Variants in HELLS observed in about 807,000 individuals in gnomAD.
HELLS encodes lymphoid-specific helicase.
A neutral mutation model predicts 120.0 loss-of-function variants in HELLS; 32 were observed. The observed-to-expected ratio is 0.27, with a 90% CI of 0.20 to 0.36. The LOEUF (loss-of-function observed/expected upper bound fraction) is 0.36, where lower values mean the gene tolerates loss of function less well. Among genes scored for constraint, HELLS ranks in the 10% least tolerant of loss-of-function variants. The pLI is 1.00. For missense variants in HELLS, 650 were observed against 993.4 expected (o/e 0.65, Z 4.65); for synonymous variants, 341 against 323.4 (o/e 1.05, Z -0.58).
chr10:94,558,555 G>C (rs184832619), intron 4 of HELLS, among the ~76,000 whole-genome samples: 29 of 152,190 alleles, frequency 1.9e-4, no homozygotes, highest in Admixed American at 7.2e-4. Flanking sequence ...ATAATTTATT[G>C]AATACATACT....
intron 6 of HELLS, 120 bp downstream of exon 6, chr10:94,562,996 ATAT>A: frequency 1.5e-6 from 1 of 649,992 alleles, no homozygotes; most frequent in Non-Finnish European, 2.6e-6. Context: ...TTTGAATTTA[ATAT>A]TATATATCAT....
At chr10:94,574,269 C>A in intron 8 of HELLS, 82 bp downstream of exon 8, 2 of 882,956 alleles carry the variant, frequency 2.3e-6, no homozygotes, top group South Asian at 3.1e-5. Context: ...CAACTTGAGT[C>A]ATTTCTATCA....
At chr10:94,582,870 A>G in intron 11 of HELLS, 93 bp from the exon 12 acceptor site, 1 of 657,262 alleles carries the variant, frequency 1.5e-6, no homozygotes, top group Non-Finnish European at 2.5e-6. Flanking sequence ...ACCACGTTTC[A>G]TTATCAGATT....
chr10:94,554,392 T>TA (rs1219483990), intron 3 of HELLS, 144 bp downstream of exon 3: 7 of 536,810 alleles, frequency 1.3e-5, no homozygotes, highest in Non-Finnish European at 1.5e-5. Context: ...TAGATCTGTG[T>TA]AACCACCAGC....
chr10:94,554,653 T>G (rs55885649), intron 3 of HELLS, among the ~76,000 whole-genome samples: 4,521 of 135,344 alleles, frequency 0.033, 225 homozygotes, highest in African/African-American at 0.1. Context: ...TGTTTTTTTT[T>G]TTGTTTTTTT....
intron 6 of HELLS, chr10:94,570,265 A>T (rs1844074588): frequency 6.6e-6 from 1 of 152,010 alleles, no homozygotes; most frequent in East Asian, 1.9e-4. Flanking sequence ...TTGATTTTTA[A>T]TAAGAATACT....
At chr10:94,568,702 A>C (rs1003171214) in intron 6 of HELLS, among the ~76,000 whole-genome samples, 2 of 152,218 alleles carry the variant, frequency 1.3e-5, no homozygotes, top group African/African-American at 4.8e-5. Context: ...GAATAAACAA[A>C]ATACAAGGAA....
At chr10:94,570,502 T>C (rs1844088848) in intron 6 of HELLS, 1 of 152,096 alleles carries the variant, frequency 6.6e-6, no homozygotes, top group Admixed American at 6.6e-5. Flanking sequence ...TTACATGTCC[T>C]GTTACTCTTC....
chr10:94,568,003 G>C (rs181129193), intron 6 of HELLS, among the ~76,000 whole-genome samples: 1 of 144,702 alleles, frequency 6.9e-6, no homozygotes, highest in Admixed American at 7.2e-5. Flanking sequence ...TCCGCCTCCC[G>C]GGTTCAAGTG....
intron 3 of HELLS, among the ~76,000 whole-genome samples, chr10:94,556,118 A>G (rs1277780899): frequency 6.6e-6 from 1 of 152,154 alleles, no homozygotes; most frequent in African/African-American, 2.4e-5. Flanking sequence ...AGTCTTGGGG[A>G]CTGAACCCTC....
intron 3 of HELLS, among the ~76,000 whole-genome samples, chr10:94,555,678 G>T (rs944437185): frequency 3.9e-5 from 6 of 152,080 alleles, no homozygotes; most frequent in Non-Finnish European, 1.5e-5. Flanking sequence ...TGCCCAGGCT[G>T]GTGTGCAGTG....
intron 12 of HELLS, among the ~76,000 whole-genome samples, chr10:94,587,818 A>C (rs999154977): frequency 1.3e-5 from 2 of 152,238 alleles, no homozygotes; most frequent in African/African-American, 4.8e-5. Flanking sequence ...ATTAGGTCTT[A>C]TTATTTCTAC....
intron 10 of HELLS, among the ~76,000 whole-genome samples, chr10:94,579,201 C>CTTTTT (rs11431624): frequency 1.5e-5 from 2 of 133,866 alleles, no homozygotes; most frequent in African/African-American, 2.9e-5. Context: ...CTACTTTTTT[C>CTTTTT]TTTTTTTTTT....
intron 12 of HELLS, among the ~76,000 whole-genome samples, chr10:94,585,532 C>T (rs1845098891): frequency 6.6e-6 from 1 of 151,034 alleles, no homozygotes; most frequent in Admixed American, 6.6e-5. Flanking sequence ...CAGGCGTGTG[C>T]CACCACACCT....
At chr10:94,550,167 G>A (rs917164899) in intron 2 of HELLS, among the ~76,000 whole-genome samples, 7 of 152,012 alleles carry the variant, frequency 4.6e-5, no homozygotes, top group South Asian at 2.1e-4. Context: ...TGATCCGCCC[G>A]TCTTGACCTC....
Position 94,574,786 on chromosome 10 carries a change from T to C in HELLS, c.888+50T>C, listed in dbSNP as rs746910730. 12 of 1,414,664 alleles carry C rather than the reference T, an allele frequency of 8.5e-6. No individual in the cohort carries two copies. In the Middle Eastern group the frequency reaches 5.4e-4, roughly 64 times the overall value. 87.6% of individuals were successfully genotyped at this position (1,414,664 alleles called of 1,614,324 possible). A position where few individuals can be genotyped will look rare whatever the true frequency, so the allele number is the denominator to read the frequency against. The stretch of plus-strand genomic sequence containing the variant: ...AATTATAATTTTACATGTTTTCTTA[T>C]GCTTTGTTGTAGTAGGAATTAAATT... On this transcript the variant is annotated intron_variant, in intron 9 of 21. Coordinates refer to ENST00000348459, the MANE Select transcript of HELLS (RefSeq NM_018063.5).
At chr10:94,609,826 T>G (rs1489985679) in intron 9 of HELLS, 1 of 152,186 alleles carries the variant, frequency 6.6e-6, no homozygotes, top group Non-Finnish European at 1.5e-5. Flanking sequence ...TGTTTCTACA[T>G]TTTTCATTGA....
intron 10 of HELLS, among the ~76,000 whole-genome samples, chr10:94,578,609 G>T (rs1046628559): frequency 6.6e-6 from 1 of 152,104 alleles, no homozygotes; most frequent in Non-Finnish European, 1.5e-5. Flanking sequence ...CAGGATAATT[G>T]CTTGAACCCG....
intron 10 of HELLS, 178 bp downstream of exon 10, chr10:94,576,983 G>A: frequency 1.6e-6 from 1 of 610,406 alleles, no homozygotes; most frequent in African/African-American, 1.9e-5. Context: ...TGATTGGGAT[G>A]AAGGCCATCA....
Sources: allele counts gnomAD v4.1 joint callset (sites outside exome capture counted in the v4.1 genomes callset), GRCh38; gene constraint gnomAD v4.1.1; transcripts MANE v1.5; gene names NCBI Gene and HGNC (gene_info 2026-07-23, HGNC 2026-07-21).